The following HGS variants were observed in gnomAD, a reference collection of about 807,000 sequenced individuals.
HGS encodes human growth factor-regulated tyrosine kinase substrate.
In HGS, 63 loss-of-function variants were observed where a neutral mutation model predicts 109.7. The observed-to-expected ratio is 0.57, with a 90% confidence interval of 0.47 to 0.71. The LOEUF (loss-of-function observed/expected upper bound fraction) is 0.71. Among genes scored for constraint, HGS ranks in the 30% least tolerant of loss-of-function variants. The probability of loss-of-function intolerance (pLI) is 0.00; values close to 1 mark genes in which losing one functional copy is unlikely to be tolerated. For synonymous variants in HGS, 546 were observed against 437.3 expected (o/e 1.25, Z -3.10); for missense variants, 995 against 1,068.3 (o/e 0.93, Z 0.96).
chr17:81,685,814 T>C (rs901288754), intron 2 of HGS, 125 bp downstream of exon 2: 6 of 635,688 alleles, frequency 9.4e-6, no homozygotes, highest in African/African-American at 9.3e-5. Context: ...GAGAACTGCA[T>C]GGGCTACATG....
In HGS at chr17:81,700,188, A is replaced by G. The variant is rs1482975861; in HGVS notation, c.1883-279A>G. Among the ~76,000 whole-genome samples, 4 of 151,038 alleles carry G rather than the reference A, an allele frequency of 2.6e-5. No homozygotes were observed. The East Asian group carries it at 5.9e-4, about 22-fold the overall frequency. On this transcript the variant is annotated intron_variant, in intron 18 of 21. Coordinates refer to ENST00000329138, the MANE Select transcript of HGS (RefSeq NM_004712.5). ...AAGACAATCCTGGCCAACATGATGA[A>G]ACCCCATCTTTATTAAAAGTACAAA...
rs372860510 is a variant in HGS, at chr17:81,701,834, T to C, written c.*216T>C. 5 of 639,342 alleles carry C rather than the reference T, an allele frequency of 7.8e-6. No individual in the cohort carries two copies. The East Asian group carries it at 1.4e-4, about 17-fold the overall frequency. 39.6% of individuals were successfully genotyped at this position (639,342 alleles called of 1,614,324 possible). On this transcript the variant is annotated 3_prime_UTR_variant, in exon 22 of 22. Coordinates refer to ENST00000329138, the MANE Select transcript of HGS (RefSeq NM_004712.5). ...GCTTTCTTTCCCCAGGGCTGGGCCATGGGGAGGGAAGGACTTTCTCCCAGG... is the reference window on the plus strand; with the variant it reads ...GCTTTCTTTCCCCAGGGCTGGGCCACGGGGAGGGAAGGACTTTCTCCCAGG...
chr17:81,695,134 T>G lies in HGS; in HGVS notation c.1120-30T>G, dbSNP rs1305122511. On this transcript the variant is annotated intron_variant, in intron 13 of 21. Coordinates refer to ENST00000329138, the MANE Select transcript of HGS (RefSeq NM_004712.5). ...TGGAAGGGGTGGATGCGGGACAGGT[T>G]GGAGGCCCCACTCATTCTCTCTCTT... The G allele has an allele frequency of 1.9e-6, 3 of 1,613,890 alleles. No homozygotes were observed. In the South Asian group the frequency reaches 3.3e-5, roughly 18 times the overall value.
Position 81,691,887 on chromosome 17 carries a change from G to A in HGS, c.662+316G>A, listed in dbSNP as rs895699758. 2.9e-5 allele frequency: 8 copies of A among 272,434 alleles called. No individual in the cohort carries two copies. The Admixed American group carries it at 3.1e-4, about 11-fold the overall frequency. 16.9% of individuals were successfully genotyped at this position (272,434 alleles called of 1,614,324 possible). ...TAAAACTTACAGAAAAGTTGCAAGA[G>A]TAGCACAGAGAAGCTGCGGGGCCGC... On this transcript the variant is annotated intron_variant, in intron 8 of 21. Coordinates refer to ENST00000329138, the MANE Select transcript of HGS (RefSeq NM_004712.5). This position sits in a 1 kb window ranked among gnomAD's most constrained non-coding sequence, Gnocchi z 5.3.
rs559254008 is a variant in HGS, at chr17:81,697,482, C to T, written c.1882+484C>T. 55 of 154,116 alleles carry T rather than the reference C, an allele frequency of 3.6e-4. No homozygotes were observed. In the South Asian group the frequency reaches 0.011, roughly 30 times the overall value. The allele number at this position is 154,116 out of a possible 1,614,324, so 9.5% of individuals were successfully genotyped here. ...AGCTCAGGTTTGTCTGGTGTCTCCA[C>T]GCGGTGACCATAAGGCTGTGCTTTT... On this transcript the variant is annotated intron_variant, in intron 18 of 21. Coordinates refer to ENST00000329138, the MANE Select transcript of HGS (RefSeq NM_004712.5).
rs534229709 is a variant in HGS, at chr17:81,685,776, G to A, written c.122+87G>A. Reference sequence around the variant, plus strand: ...TTGGTGCCCGTTGGGTCTCCACGACGTAGCTGACCGTGTTAGGCTCTTATG... The same window carrying A: ...TTGGTGCCCGTTGGGTCTCCACGACATAGCTGACCGTGTTAGGCTCTTATG... On this transcript the variant is annotated intron_variant, in intron 2 of 21. Coordinates refer to ENST00000329138, the MANE Select transcript of HGS (RefSeq NM_004712.5). The A allele has an allele frequency of 1.2e-3, 1,134 of 937,654 alleles. 24 individuals carry two copies. In the South Asian group the frequency reaches 0.016, roughly 14 times the overall value. 58.1% of individuals were successfully genotyped at this position (937,654 alleles called of 1,614,324 possible). A position where few individuals can be genotyped will look rare whatever the true frequency, so the allele number is the denominator to read the frequency against.
chr17:81,693,540 C>A lies in HGS; in HGVS notation c.700C>A (p.Pro234Thr). 6.2e-7 allele frequency: 1 copy of A among 1,612,620 alleles called. No homozygotes were observed. Residue 234 changes from proline to threonine, a missense_variant, in exon 9 of 22, where the codon CCC becomes ACC. Coordinates refer to ENST00000329138, the MANE Select transcript of HGS (RefSeq NM_004712.5). ...AAAGGCCACTTCCACCACTGAGCTG[C>A]CCCCCGAGTACCTGACCAGCCCCCT... ...EGKATSTTEL[P>T]PEYLTSPLSQ...
chr17:81,699,718 C>A (rs1351335664), intron 18 of HGS, among the ~76,000 whole-genome samples: 2 of 152,314 alleles, frequency 1.3e-5, no homozygotes, highest in Admixed American at 6.5e-5. Flanking sequence ...GCCACCACGC[C>A]CCGCCTATGT....
chr17:81,691,175 CTT>C lies in HGS; in HGVS notation c.538-271_538-270del. The C allele has an allele frequency of 2.0e-6, 1 of 488,782 alleles. No individual in the cohort carries two copies. The highest frequency in any genetic ancestry group is 3.6e-5 in the East Asian group (1 of 27,622). 30.3% of individuals were successfully genotyped at this position (488,782 alleles called of 1,614,324 possible). ...AGCACCCACTGCACTCACAAAAGCT[CTT>C]GTTTTATCAGCAGAATTGATGTGTA... On this transcript the variant is annotated intron_variant, in intron 7 of 21. Coordinates refer to ENST00000329138, the MANE Select transcript of HGS (RefSeq NM_004712.5). The surrounding 1 kb of genome is among the most constrained non-coding windows in gnomAD (Gnocchi z 5.3).
chr17:81,688,972 G>A (rs2144488445), intron 5 of HGS, 145 bp downstream of exon 5: 1 of 1,136,122 alleles, frequency 8.8e-7, no homozygotes. Flanking sequence ...AGCCAGGGAA[G>A]ACCGTGCATG....
Position 81,696,841 on chromosome 17 carries a change from A to G in HGS, c.1725A>G (p.Ala575=). 6.2e-7 allele frequency: 1 copy of G among 1,610,290 alleles called. No individual in the cohort carries two copies. Among genetic ancestry groups the G allele is most frequent in the Non-Finnish European group, 8.5e-7 (1 of 1,178,924 alleles). ...GTCCCCAGCTCCAGGCCATGCCCGCAGCCGGAGGTGTGCTCTACCAGCCCT... is the reference window on the plus strand; with the variant it reads ...GTCCCCAGCTCCAGGCCATGCCCGCGGCCGGAGGTGTGCTCTACCAGCCCT... ...LPYAQLQAMP[A]AGGVLYQPSG... Residue 575 remains alanine (A), a synonymous_variant, in exon 18 of 22, where the codon GCA becomes GCG. Coordinates refer to ENST00000329138, the MANE Select transcript of HGS (RefSeq NM_004712.5).
rs762803802 is a variant in HGS, at chr17:81,696,397, C to T, written c.1434C>T (p.Arg478=). The change falls in exon 16 of 22, where the codon CGC becomes CGT. Residue 478 remains arginine (R), a synonymous_variant. Transcript: ENST00000329138. ...TGCAGGACAAGCTGGCACAGATCCG[C>T]GATGCCCGGGGGGCGCTGAGTGCCC... ...EGLQDKLAQI[R]DARGALSALR... is the part of the protein sequence containing the mutation. 62 of 1,587,438 alleles carry T rather than the reference C, an allele frequency of 3.9e-5. No individual in the cohort carries two copies. The highest frequency in any genetic ancestry group is 5.4e-5 in the African/African-American group (4 of 74,464).
chr17:81,689,540 C>T (rs1472651704), intron 5 of HGS, among the ~76,000 whole-genome samples: 1 of 152,104 alleles, frequency 6.6e-6, no homozygotes, highest in Non-Finnish European at 1.5e-5. Flanking sequence ...CATGGCTGCT[C>T]ACATCTGTGC....
chr17:81,685,700 G>T lies in HGS; in HGVS notation c.122+11G>T. ...CCAAGGGGACACACAGTGAGTTAGC[G>T]GGGCCTGTGCCCTGATGCGGAGGAG... On this transcript the variant is annotated intron_variant, in intron 2 of 21. Transcript: ENST00000329138. The T allele has an allele frequency of 6.2e-7, 1 of 1,607,648 alleles. No individual in the cohort carries two copies. Among genetic ancestry groups the T allele is most frequent in the African/African-American group, 1.3e-5 (1 of 74,882 alleles).
rs985077947 is a variant in HGS, at chr17:81,696,358, G to A, written c.1395G>A (p.Leu465=). ...ELLNQLDERR[L]YYEGLQDKLA... is the part of the protein sequence containing the mutation. ...GGTTGCTCTGTCATCTGCCCACAGT[G>A]TACTATGAGGGGCTGCAGGACAAGC... Residue 465 remains leucine (L), a splice_region_variant and synonymous_variant, in exon 16 of 22, where the codon CTG becomes CTA. Transcript: ENST00000329138. The A allele has an allele frequency of 6.3e-7, 1 of 1,579,112 alleles. No homozygotes were observed. Among genetic ancestry groups the A allele is most frequent in the East Asian group, 2.3e-5 (1 of 44,048 alleles).
chr17:81,688,709 A>G lies in HGS; in HGVS notation c.297A>G (p.Gln99=), dbSNP rs763927305. The G allele has an allele frequency of 6.2e-7, 1 of 1,613,804 alleles. No individual in the cohort carries two copies. Among genetic ancestry groups the G allele is most frequent in the South Asian group, 1.1e-5 (1 of 91,014 alleles). Residue 99 remains glutamine (Q), a synonymous_variant, in exon 5 of 22, where the codon CAA becomes CAG. Coordinates refer to ENST00000329138, the MANE Select transcript of HGS (RefSeq NM_004712.5). ...MEELKDLLKR[Q]VEVNVRNKIL... is the part of the protein sequence containing the mutation. ...CCCCTTCTCCCTGCCTGCAGAGACA[A>G]GTGGAGGTAAACGTCCGTAACAAGA...
intron 2 of HGS, 133 bp downstream of exon 2, chr17:81,685,822 ATGC>A: frequency 1.6e-6 from 1 of 606,986 alleles, no homozygotes; most frequent in South Asian, 2.3e-5. Flanking sequence ...CATGGGCTAC[ATGC>A]TAGGATTTTT....
At chr17:81,688,275 C>G (rs2037011522) in intron 4 of HGS, among the ~76,000 whole-genome samples, 1 of 151,460 alleles carries the variant, frequency 6.6e-6, no homozygotes, top group Non-Finnish European at 1.5e-5. Context: ...TCTGGAGCGG[C>G]TGCCCCCCGC....
chr17:81,701,858 G>T lies in HGS; in HGVS notation c.*240G>T. On this transcript the variant is annotated 3_prime_UTR_variant, in exon 22 of 22. Transcript: ENST00000329138. The stretch of plus-strand genomic sequence containing the variant: ...ATGGGGAGGGAAGGACTTTCTCCCA[G>T]GGGAAGCCCCCAGCCCTGTGGGTCA... 1 of 521,486 alleles carries T rather than the reference G, an allele frequency of 1.9e-6. No individual in the cohort carries two copies. 32.3% of individuals were successfully genotyped at this position (521,486 alleles called of 1,614,324 possible).
Sources: gnomAD v4.1 joint callset for allele counts (sites outside exome capture counted in the v4.1 genomes callset) on GRCh38, gnomAD v4.1.1 for gene constraint, Gnocchi (gnomAD v3.1) non-coding constraint, MANE v1.5 for transcripts, NCBI Gene and HGNC (gene_info 2026-07-23, HGNC 2026-07-21) for gene names.